The following DIAPH3 variants were observed in gnomAD, a reference collection of about 807,000 sequenced individuals.
DIAPH3 encodes protein diaphanous homolog 3.
A neutral mutation model predicts 144.3 loss-of-function variants in DIAPH3; 117 were observed. The ratio of observed to expected loss-of-function variants is 0.81; its 90% CI spans 0.70 to 0.95. The LOEUF (loss-of-function observed/expected upper bound fraction) is 0.95, where lower values mean the gene tolerates loss of function less well. Among genes scored for constraint, DIAPH3 ranks in the 40% least tolerant of loss-of-function variants. The pLI, the probability that DIAPH3 is intolerant of heterozygous loss-of-function variation, is 0.00. For missense variants in DIAPH3, 1,421 were observed against 1,412.7 expected, an observed-to-expected ratio of 1.01 and a Z score of -0.09; for synonymous variants, 519 against 488.9, an observed-to-expected ratio of 1.06 and a Z score of -0.81.
At chr13:60,138,832 G>A (rs1462263510) in intron 1 of DIAPH3, among the ~76,000 whole-genome samples, 1 of 82,324 alleles carries the variant, frequency 1.2e-5, no homozygotes. Flanking sequence ...GGGAGGGGAG[G>A]GGAGGATATC....
intron 27 of DIAPH3, among the ~76,000 whole-genome samples, chr13:59,712,356 CAA>C (rs1252667706): frequency 6.6e-6 from 1 of 152,204 alleles, no homozygotes; most frequent in East Asian, 1.9e-4. Flanking sequence ...TCTCAGGAAA[CAA>C]GAGACTCATC....
At chr13:59,679,425 T>TG in intron 27 of DIAPH3, among the ~76,000 whole-genome samples, 1 of 152,280 alleles carries the variant, frequency 6.6e-6, no homozygotes, top group South Asian at 2.1e-4. Flanking sequence ...CAGCAGGGAC[T>TG]GTTTCCTCAA....
chr13:59,937,471 C>A (rs2048321899), intron 17 of DIAPH3, among the ~76,000 whole-genome samples: 1 of 152,158 alleles, frequency 6.6e-6, no homozygotes, highest in Admixed American at 6.5e-5. Context: ...AGTATTTGTA[C>A]ACACAATGCT....
At chr13:60,129,642 T>G (rs2059087165) in intron 2 of DIAPH3, among the ~76,000 whole-genome samples, 1 of 152,206 alleles carries the variant, frequency 6.6e-6, no homozygotes. Context: ...TATTCTTATA[T>G]GCCTCTCTCA....
chr13:59,726,866 A>G (rs1205984802), intron 27 of DIAPH3, among the ~76,000 whole-genome samples: 1 of 152,214 alleles, frequency 6.6e-6, no homozygotes, highest in Non-Finnish European at 1.5e-5. Flanking sequence ...ATAAAAGTGT[A>G]TAAGATTGTT....
At chr13:60,029,071 G>T (rs1435707781) in intron 5 of DIAPH3, among the ~76,000 whole-genome samples, 1 of 151,676 alleles carries the variant, frequency 6.6e-6, no homozygotes, top group African/African-American at 2.4e-5. Flanking sequence ...AAAAAAAGGG[G>T]GGATTTTTTT....
intron 4 of DIAPH3, among the ~76,000 whole-genome samples, chr13:60,043,303 G>C (rs1014330998): frequency 1.3e-5 from 2 of 152,160 alleles, no homozygotes; most frequent in Admixed American, 1.3e-4. Flanking sequence ...AGAAATGCAA[G>C]CAAGAAAATA....
chr13:59,922,612 CA>C (rs1232533611), intron 18 of DIAPH3, among the ~76,000 whole-genome samples: 1 of 151,978 alleles, frequency 6.6e-6, no homozygotes, highest in African/African-American at 2.4e-5. Flanking sequence ...AATTTCATGA[CA>C]AAAAACTATA....
chr13:60,031,975 C>A (rs2054834703), intron 5 of DIAPH3, among the ~76,000 whole-genome samples: 1 of 152,066 alleles, frequency 6.6e-6, no homozygotes, highest in South Asian at 2.1e-4. Context: ...ATCTCTTGAC[C>A]TCATGATCCA....
rs1317746378 is a variant in DIAPH3, at chr13:59,901,095, A to AC, written c.2367+10639dup. Among the ~76,000 whole-genome samples the AC allele has an allele frequency of 2.0e-5, 3 of 152,332 alleles. No homozygotes were observed. The East Asian group carries it at 5.8e-4, about 29-fold the overall frequency. On this transcript the variant is annotated intron_variant, in intron 20 of 27. Coordinates refer to ENST00000400324, the MANE Select transcript of DIAPH3 (RefSeq NM_001042517.2). ...CATTGAAATAGCTTGTTAACCAGTC[A>AC]CTGGCTTTAATTATATTCCTCACCT...
At chr13:60,010,208 AT>A (rs1325359289) in intron 8 of DIAPH3, among the ~76,000 whole-genome samples, 2 of 152,176 alleles carry the variant, frequency 1.3e-5, no homozygotes, top group African/African-American at 4.8e-5. Context: ...AAAAAATCAC[AT>A]AAGAAATAGA....
chr13:60,074,770 CT>C (rs956497961), intron 4 of DIAPH3, among the ~76,000 whole-genome samples: 76 of 148,926 alleles, frequency 5.1e-4, no homozygotes, highest in Admixed American at 8.7e-4. Context: ...TATACATATG[CT>C]TTTTTTTTTA....
chr13:60,052,634 A>G (rs2056392792), intron 4 of DIAPH3, among the ~76,000 whole-genome samples: 1 of 152,158 alleles, frequency 6.6e-6, no homozygotes, highest in African/African-American at 2.4e-5. Flanking sequence ...TGTAACACCA[A>G]TTCTTTGCAA....
At chr13:59,821,434 C>G (rs552380161) in intron 24 of DIAPH3, among the ~76,000 whole-genome samples, 2 of 152,066 alleles carry the variant, frequency 1.3e-5, no homozygotes, top group Admixed American at 1.3e-4. Context: ...TGGAAAAAAT[C>G]CTTAAAAATA....
rs1010101775 is a variant in DIAPH3, at chr13:60,026,726, G to GTC, written c.627-10583_627-10582dup. On this transcript the variant is annotated intron_variant, in intron 5 of 27. Transcript: ENST00000400324. Reference sequence around the variant, plus strand: ...GGAAGACTTCCTCTGTAGACAAAGTGTCTCTCTCTCTCTCTCCTCCAAGAA... The same window carrying GTC: ...GGAAGACTTCCTCTGTAGACAAAGTGTCTCTCTCTCTCTCTCTCCTCCAAGAA... Among the ~76,000 whole-genome samples the GTC allele has an allele frequency of 2.3e-3, 343 of 151,452 alleles. 1 individual carries two copies. Among genetic ancestry groups the GTC allele is most frequent in the African/African-American group, 7.3e-3 (304 of 41,364 alleles).
At chr13:59,812,621 T>C (rs1253039364) in intron 24 of DIAPH3, among the ~76,000 whole-genome samples, 1 of 152,160 alleles carries the variant, frequency 6.6e-6, no homozygotes, top group Non-Finnish European at 1.5e-5. Context: ...GAATCTTAAA[T>C]GTCAAGGAGC....
chr13:60,100,104 G>T (rs544231351), intron 3 of DIAPH3, among the ~76,000 whole-genome samples: 6 of 152,136 alleles, frequency 3.9e-5, no homozygotes, highest in Admixed American at 3.9e-4. Context: ...CTTTAAGACT[G>T]TGCAGATATC....
At chr13:60,031,371 A>G (rs2054779763) in intron 5 of DIAPH3, among the ~76,000 whole-genome samples, 1 of 152,130 alleles carries the variant, frequency 6.6e-6, no homozygotes, top group African/African-American at 2.4e-5. Context: ...AGAGATTACA[A>G]TTCACCATGA....
intron 27 of DIAPH3, among the ~76,000 whole-genome samples, chr13:59,739,440 G>C (rs1442456477): frequency 1.3e-5 from 2 of 152,080 alleles, no homozygotes; most frequent in Non-Finnish European, 2.9e-5. Flanking sequence ...ATACCAACAT[G>C]TGCCCTCACA....
Sources: gnomAD v4.1 joint callset for allele counts (sites outside exome capture counted in the v4.1 genomes callset) on GRCh38, gnomAD v4.1.1 for gene constraint, MANE v1.5 for transcripts, NCBI Gene and HGNC (gene_info 2026-07-23, HGNC 2026-07-21) for gene names.